Variants in TMEM273 observed in about 807,000 individuals in gnomAD.
The protein encoded by TMEM273 is chromosome 10 open reading frame 128.
In TMEM273, 19 loss-of-function variants were observed where a neutral mutation model predicts 17.9. The observed-to-expected ratio is 1.06, with a 90% CI of 0.74 to 1.55. The LOEUF (loss-of-function observed/expected upper bound fraction) is 1.55, where lower values mean the gene tolerates loss of function less well. Among genes scored for constraint, TMEM273 ranks in the 40% most tolerant of loss-of-function variants. TMEM273 has a pLI of 0.00. For synonymous variants in TMEM273, 66 were observed against 62.0 expected (o/e 1.07, Z -0.31); for missense variants, 194 against 155.6 (o/e 1.25, Z -1.31).
chr10:49,156,597 C>T (rs977941611), intron 6 of TMEM273, among the ~76,000 whole-genome samples: 5 of 152,196 alleles, frequency 3.3e-5, no homozygotes, highest in African/African-American at 1.2e-4. Flanking sequence ...TATATGCTTA[C>T]ATTGAATGAT....
chr10:49,177,669 A>G (rs1847074001), intron 1 of TMEM273, among the ~76,000 whole-genome samples: 1 of 152,172 alleles, frequency 6.6e-6, no homozygotes, highest in South Asian at 2.1e-4. Flanking sequence ...AAACTGACCA[A>G]AGTATCTTAA....
intron 1 of TMEM273, 97 bp downstream of exon 1, chr10:49,188,197 T>C (rs953026662): frequency 2.3e-6 from 3 of 1,320,744 alleles, no homozygotes; most frequent in Admixed American, 3.5e-5. Context: ...GGGACAGAGT[T>C]ATGTTTTAGG....
rs192946529 is a variant in TMEM273, at chr10:49,159,238, A to C, written c.372+2361T>G. ...AAATAGTAAAATATAATACACACTA[A>C]AACAAGTGTTTCTGACTCTCTATCC... On this transcript the variant is annotated intron_variant, in intron 6 of 6. Transcript: ENST00000374153. Among the ~76,000 whole-genome samples the C allele has an allele frequency of 3.6e-3, 543 of 152,334 alleles. 2 individuals are homozygous for C. Among genetic ancestry groups the C allele is most frequent in the African/African-American group, 0.012 (518 of 41,580 alleles).
intron 1 of TMEM273, among the ~76,000 whole-genome samples, chr10:49,188,076 AC>A (rs1847832931): frequency 6.6e-6 from 1 of 152,206 alleles, no homozygotes; most frequent in Admixed American, 6.5e-5. Flanking sequence ...TTCTGCCATG[AC>A]CCTTCCTATT....
At chr10:49,184,460 C>T (rs928683129) in intron 1 of TMEM273, among the ~76,000 whole-genome samples, 2 of 152,150 alleles carry the variant, frequency 1.3e-5, no homozygotes, top group East Asian at 3.8e-4. Context: ...TAATCAAATA[C>T]AACTTGGGAG....
chr10:49,180,762 CT>C (rs1204364355), intron 1 of TMEM273, among the ~76,000 whole-genome samples: 2 of 152,166 alleles, frequency 1.3e-5, no homozygotes, highest in African/African-American at 4.8e-5. Flanking sequence ...ATTGTGAAAA[CT>C]TCCTCAACTT....
intron 1 of TMEM273, among the ~76,000 whole-genome samples, chr10:49,176,732 T>C (rs968895761): frequency 6.6e-6 from 1 of 152,064 alleles, no homozygotes; most frequent in Non-Finnish European, 1.5e-5. Context: ...GTCATGATGC[T>C]GCAGAGGAAA....
At chr10:49,159,831 C>G (rs1405226483) in intron 6 of TMEM273, among the ~76,000 whole-genome samples, 1 of 152,210 alleles carries the variant, frequency 6.6e-6, no homozygotes, top group East Asian at 1.9e-4. Flanking sequence ...ATTGTGTTGT[C>G]AGAAGTCTAG....
intron 3 of TMEM273, chr10:49,166,318 T>C: frequency 5.0e-6 from 1 of 198,246 alleles, no homozygotes; most frequent in South Asian, 9.7e-5. Context: ...CAGCTCAGTT[T>C]CTCTCTGAGG....
At chr10:49,156,132 C>G (rs529685447) in intron 6 of TMEM273, 1 of 1,535,644 alleles carries the variant, frequency 6.5e-7, no homozygotes, top group East Asian at 2.5e-5. Flanking sequence ...GCCTGCCAAA[C>G]CCAAGGCAAA....
intron 1 of TMEM273, among the ~76,000 whole-genome samples, chr10:49,186,096 GAAGAAGAAGAAGAGGAAGAAGAAGAAA>G (rs1226729749): frequency 2.7e-5 from 4 of 150,156 alleles, no homozygotes; most frequent in African/African-American, 9.9e-5. Context: ...AGAAGAAGAA[GAAGAAGAAGAAGAGGAAGAAGAAGAAA>G]AAGAGGAAGA....
chr10:49,181,170 G>A (rs149407573), intron 1 of TMEM273, among the ~76,000 whole-genome samples: 1 of 152,298 alleles, frequency 6.6e-6, no homozygotes, highest in African/African-American at 2.4e-5. Flanking sequence ...CATAAATTAT[G>A]CAGGTGTAAG....
chr10:49,158,500 G>T (rs1360439767), intron 6 of TMEM273, among the ~76,000 whole-genome samples: 1 of 152,096 alleles, frequency 6.6e-6, no homozygotes, highest in African/African-American at 2.4e-5. Flanking sequence ...AAATATGAAA[G>T]AATAGCTGGA....
chr10:49,157,579 C>G (rs1177180245), intron 6 of TMEM273, among the ~76,000 whole-genome samples: 1 of 152,216 alleles, frequency 6.6e-6, no homozygotes, highest in Non-Finnish European at 1.5e-5. Context: ...CAGGGTTCAT[C>G]TGGTTAGGAT....
rs76486037 is a variant in TMEM273, at chr10:49,188,274, C to A, written c.43+20G>T. The stretch of plus-strand genomic sequence containing the variant: ...CACTGAGGCTCCCCCGGGCCAGAGA[C>A]CCCCGCAGTCCCCACTTACCCAGGA... On this transcript the variant is annotated intron_variant, in intron 1 of 6. Coordinates refer to ENST00000374153, the MANE Select transcript of TMEM273 (RefSeq NM_001288740.3). 49,951 of 1,613,828 alleles carry A rather than the reference C, an allele frequency of 0.031. 906 individuals are homozygous for A. The highest frequency in any genetic ancestry group is 0.036 in the Non-Finnish European group (42,092 of 1,179,798).
intron 1 of TMEM273, among the ~76,000 whole-genome samples, chr10:49,173,949 C>T (rs1329427805): frequency 6.6e-6 from 1 of 152,136 alleles, no homozygotes; most frequent in Non-Finnish European, 1.5e-5. Context: ...CCTTGGAGGC[C>T]CAGCTGGCAC....
Position 49,166,909 on chromosome 10 carries a change from G to T in TMEM273, c.198C>A (p.Asp66Glu). The T allele has an allele frequency of 6.2e-7, 1 of 1,613,974 alleles. No homozygotes were observed. Among genetic ancestry groups the T allele is most frequent in the Non-Finnish European group, 8.5e-7 (1 of 1,180,014 alleles). Reference protein sequence around the residue: ...ICMIRRHLFDDDSSDLKSTPG... With the variant: ...ICMIRRHLFDEDSSDLKSTPG... ...GCGTGCTTTTCAGGTCGGAAGAGTC[G>T]TCGTCAAATAAGTGCCTCCTGATCA... Residue 66 changes from aspartate (D) to glutamate (E), a missense_variant, in exon 3 of 7, where the codon GAC becomes GAA. By Grantham distance (45) the Asp-to-Glu change is conservative (BLOSUM62 2). Transcript: ENST00000374153.
intron 3 of TMEM273, chr10:49,166,443 AC>A: frequency 3.9e-6 from 1 of 255,890 alleles, no homozygotes; most frequent in Non-Finnish European, 7.7e-6. Flanking sequence ...CTTAGGACCA[AC>A]CTCGCTGCCT....
intron 5 of TMEM273, among the ~76,000 whole-genome samples, chr10:49,164,792 C>G (rs925743147): frequency 1.3e-5 from 2 of 152,118 alleles, no homozygotes; most frequent in African/African-American, 2.4e-5. Flanking sequence ...CTCTGCACCC[C>G]CAAGACACAA....
Sources: allele counts gnomAD v4.1 joint callset (sites outside exome capture counted in the v4.1 genomes callset), GRCh38; gene constraint gnomAD v4.1.1; transcripts MANE v1.5; gene names NCBI Gene and HGNC (gene_info 2026-07-23, HGNC 2026-07-21).